The following DMXL1 variants were observed in gnomAD, a reference collection of about 807,000 sequenced individuals.
DMXL1 encodes dmX-like protein 1.
DMXL1 carries 99 observed loss-of-function variants against 319.2 expected under a neutral mutation model. That is an observed-to-expected ratio of 0.31 (90% CI 0.26 to 0.37). The LOEUF is 0.37. Among genes scored for constraint, DMXL1 ranks in the 10% least tolerant of loss-of-function variants. The probability of loss-of-function intolerance (pLI) is 1.00; values close to 1 mark genes in which losing one functional copy is unlikely to be tolerated. For synonymous variants in DMXL1, 1,385 were observed against 1,235.2 expected, an observed-to-expected ratio of 1.12 and a Z score of -2.54; for missense variants, 3,745 against 3,595.6, an observed-to-expected ratio of 1.04 and a Z score of -1.06.
At chr5:119,244,971 A>T (rs977510907) in intron 43 of DMXL1, among the ~76,000 whole-genome samples, 22 of 152,218 alleles carry the variant, frequency 1.4e-4, no homozygotes, top group African/African-American at 5.1e-4. Context: ...CTAGTCCCTC[A>T]GTGCCTAATT....
chr5:119,142,564 G>A lies in DMXL1; in HGVS notation c.2377-1277G>A, dbSNP rs117357716. Among the ~76,000 whole-genome samples, 350 of 150,546 alleles carry A rather than the reference G, an allele frequency of 2.3e-3. 4 individuals carry two copies. The East Asian group carries it at 0.045, about 19-fold the overall frequency. The stretch of plus-strand genomic sequence containing the variant: ...GATGCTGATGAGGTTGCAGTGAAAA[G>A]GGAACACTTACACAGTGTTGATGGG... On this transcript the variant is annotated intron_variant, in intron 13 of 43. Coordinates refer to ENST00000539542, the MANE Select transcript of DMXL1 (RefSeq NM_001290321.3).
rs1190906328 is a variant in DMXL1, at chr5:119,097,983, A to G, written c.92A>G (p.Tyr31Cys). The G allele has an allele frequency of 1.2e-6, 2 of 1,604,534 alleles. No individual in the cohort carries two copies. Among genetic ancestry groups the G allele is most frequent in the East Asian group, 4.5e-5 (2 of 44,624 alleles). Residue 31 changes from tyrosine to cysteine, a missense_variant, in exon 2 of 44, where the codon TAT (tyrosine) becomes TGT (cysteine). This residue lies in a region of DMXL1 where 2,096 missense variants were observed against 1,985.4 expected (regional missense o/e 1.06). Coordinates refer to ENST00000539542, the MANE Select transcript of DMXL1 (RefSeq NM_001290321.3). ...TTTATTTATTTATTTTTTTAGGCTT[A>G]TGCATCTGGATGTGACATTGTAATA... ...GSIGDQRFTA[Y>C]ASGCDIVILG...
rs748286786 is a variant in DMXL1, at chr5:119,244,569, A to G, written c.8915A>G (p.Asn2972Ser). 9.3e-6 allele frequency: 15 copies of G among 1,613,632 alleles called. No individual in the cohort carries two copies. Among genetic ancestry groups the G allele is most frequent in the Admixed American group, 8.3e-5 (5 of 60,000 alleles). ...TTTGTTACAGGATCTGCCGAAGGCA[A>G]TATAAAGGTAAACACAGTTGATGCC... ...EYFVTGSAEGNIKIWSLSTFG... is the reference protein window; with the variant it reads ...EYFVTGSAEGSIKIWSLSTFG... Residue 2972 changes from asparagine (N) to serine (S), a missense_variant, in exon 43 of 44, where the codon AAT becomes AGT. Transcript: ENST00000539542.
At chr5:119,168,274 A>T (rs189181164) in intron 23 of DMXL1, among the ~76,000 whole-genome samples, 1 of 152,336 alleles carries the variant, frequency 6.6e-6, no homozygotes, top group East Asian at 1.9e-4. Flanking sequence ...CTTTAGCTAG[A>T]TGAACTTTTG....
intron 1 of DMXL1, among the ~76,000 whole-genome samples, chr5:119,078,072 A>T (rs999290598): frequency 1.3e-5 from 2 of 151,914 alleles, no homozygotes; most frequent in South Asian, 4.2e-4. Flanking sequence ...TAGACGGATT[A>T]TTTTTTATTT....
intron 1 of DMXL1, among the ~76,000 whole-genome samples, chr5:119,089,052 A>C (rs993748133): frequency 2.0e-5 from 3 of 151,386 alleles, no homozygotes; most frequent in Non-Finnish European, 1.5e-5. Flanking sequence ...CATTTTTGCA[A>C]GTCTTAATGG....
intron 1 of DMXL1, among the ~76,000 whole-genome samples, chr5:119,076,496 A>G (rs568262845): frequency 2.0e-5 from 3 of 152,314 alleles, no homozygotes; most frequent in East Asian, 1.9e-4. Flanking sequence ...AGAAAGAGAA[A>G]GGTGTTTGTG....
intron 38 of DMXL1, among the ~76,000 whole-genome samples, chr5:119,229,999 G>A (rs1052128663): frequency 3.3e-5 from 5 of 152,150 alleles, no homozygotes; most frequent in African/African-American, 9.7e-5. Context: ...TAATTTGGAA[G>A]TGATCTAGAT....
rs1773160909 is a variant in DMXL1, at chr5:119,165,201, T to C, written c.4891T>C (p.Tyr1631His). ...CIEKVAKAAF[Y>H]RKNDPLDAAI... The stretch of plus-strand genomic sequence containing the variant: ...ATTATAGGTAGCTAAAGCAGCCTTT[T>C]ATAGAAAGAATGATCCTTTAGATGC... The change falls in exon 21 of 44, where the codon TAT (tyrosine) becomes CAT (histidine). Residue 1631 changes from tyrosine (Y) to histidine (H), a missense_variant. Transcript: ENST00000539542. 4 of 1,596,274 alleles carry C rather than the reference T, an allele frequency of 2.5e-6. No homozygotes were observed. Among genetic ancestry groups the C allele is most frequent in the Middle Eastern group, 1.7e-4 (1 of 5,946 alleles).
chr5:119,140,037 A>G (rs148336885), intron 13 of DMXL1, among the ~76,000 whole-genome samples: 1,877 of 152,334 alleles, frequency 0.012, 20 homozygotes, highest in Non-Finnish European at 0.02. Flanking sequence ...TAAATAGTGA[A>G]ATTAAGACAG....
At chr5:119,232,101 C>T (rs796377922) in intron 38 of DMXL1, among the ~76,000 whole-genome samples, 1 of 152,106 alleles carries the variant, frequency 6.6e-6, no homozygotes. Flanking sequence ...CTGCCTCAGT[C>T]TCCTGAGTAG....
intron 21 of DMXL1, 123 bp downstream of exon 21, chr5:119,165,403 T>G (rs1773210063): frequency 1.8e-6 from 1 of 568,820 alleles, no homozygotes. Context: ...TTAGTTGTTT[T>G]ATATTTAAAA....
chr5:119,166,556 G>T, intron 21 of DMXL1, 60 bp from the exon 22 acceptor site: 1 of 1,452,940 alleles, frequency 6.9e-7, no homozygotes, highest in South Asian at 1.3e-5. Context: ...TTAGAAAATT[G>T]ATTCTGATGT....
At position 119,224,704 on chromosome 5, in the gene DMXL1, A is replaced by T. The variant is rs756077494; in HGVS notation, c.8278-5A>T. 2 of 1,206,762 alleles carry T rather than the reference A, an allele frequency of 1.7e-6. No homozygotes were observed. Among genetic ancestry groups the T allele is most frequent in the Non-Finnish European group, 2.2e-6 (2 of 889,256 alleles). The allele number at this position is 1,206,762 out of a possible 1,614,324, so 74.8% of individuals were successfully genotyped here. On this transcript the variant is annotated splice_polypyrimidine_tract_variant and splice_region_variant and intron_variant, in intron 37 of 43. Transcript: ENST00000539542. ...GCCTATAAAATAATTTTTCTATTTT[A>T]CCAGATGATTAAGAAAGCCATTAAT...
intron 1 of DMXL1, among the ~76,000 whole-genome samples, chr5:119,076,897 T>A (rs1241579250): frequency 1.3e-5 from 2 of 152,282 alleles, no homozygotes; most frequent in Non-Finnish European, 2.9e-5. Flanking sequence ...ATCGTGTTTA[T>A]TCTTAAAGTT....
Position 119,167,677 on chromosome 5 carries a change from A to G in DMXL1, c.5211A>G (p.Thr1737=). Residue 1737 remains threonine, a synonymous_variant, in exon 23 of 44, where the codon ACA becomes ACG. Coordinates refer to ENST00000539542, the MANE Select transcript of DMXL1 (RefSeq NM_001290321.3). The part of the protein sequence containing the change: ...IARLYESEFD[T]SAAYKSILRK... ...GACTCTATGAGTCTGAATTTGATAC[A>G]TCTGCAGCATATAAATCTATTTTAC... 1.2e-6 allele frequency: 2 copies of G among 1,613,012 alleles called. No homozygotes were observed. Among genetic ancestry groups the G allele is most frequent in the Non-Finnish European group, 1.7e-6 (2 of 1,179,240 alleles).
chr5:119,241,868 G>A (rs1788888362), intron 42 of DMXL1, among the ~76,000 whole-genome samples: 4 of 152,078 alleles, frequency 2.6e-5, no homozygotes, highest in African/African-American at 7.2e-5. Context: ...GTATATACTC[G>A]CAACACTTGA....
chr5:119,108,147 G>A (rs1043536271), intron 4 of DMXL1, among the ~76,000 whole-genome samples: 11 of 152,294 alleles, frequency 7.2e-5, no homozygotes, highest in Non-Finnish European at 8.8e-5. Flanking sequence ...AGGATCGCTT[G>A]AGCCCAGGAG....
chr5:119,219,700 T>C (rs1784327600), intron 35 of DMXL1, among the ~76,000 whole-genome samples: 1 of 152,100 alleles, frequency 6.6e-6, no homozygotes, highest in Non-Finnish European at 1.5e-5. Context: ...CCCAAGTAGC[T>C]GGGACTGCAG....
Sources: gnomAD v4.1 joint callset for allele counts (sites outside exome capture counted in the v4.1 genomes callset) on GRCh38, gnomAD v4.1.1 for gene constraint, gnomAD v4.1.1 regional missense constraint, MANE v1.5 for transcripts, NCBI Gene and HGNC (gene_info 2026-07-23, HGNC 2026-07-21) for gene names.